RBM23: variants seen among roughly 807,000 people sequenced by gnomAD.
RBM23 encodes RNA binding motif protein 23.
Under a neutral mutation model 56.2 loss-of-function variants are expected in RBM23, and 53 were observed. That is an observed-to-expected ratio of 0.94 (90% CI 0.76 to 1.19). The LOEUF (loss-of-function observed/expected upper bound fraction) is 1.19, where lower values mean the gene tolerates loss of function less well. Among genes scored for constraint, RBM23 ranks in the 50% most tolerant of loss-of-function variants. RBM23 has a pLI of 0.00. For missense variants in RBM23, 642 were observed against 590.3 expected, an observed-to-expected ratio of 1.09 and a Z score of -0.91; for synonymous variants, 197 against 198.5, an observed-to-expected ratio of 0.99 and a Z score of 0.06.
At chr14:22,915,148 G>A (rs2043262973) in intron 1 of RBM23, among the ~76,000 whole-genome samples, 1 of 152,196 alleles carries the variant, frequency 6.6e-6, no homozygotes, top group African/African-American at 2.4e-5. Context: ...ACCTACAACT[G>A]CTAGACACTG....
At chr14:22,911,297 C>G (rs1025627289) in intron 2 of RBM23, 31 bp downstream of exon 2, 2 of 1,590,966 alleles carry the variant, frequency 1.3e-6, no homozygotes, top group African/African-American at 2.7e-5. Flanking sequence ...TCTCATTAAC[C>G]CAATTCCAGG....
At position 22,905,408 on chromosome 14, in the gene RBM23, T is replaced by C. The variant is rs753683639; in HGVS notation, c.501A>G (p.Thr167=). Residue 167 remains threonine, a synonymous_variant, in exon 7 of 14, where the codon ACA becomes ACG. Transcript: ENST00000359890. The stretch of plus-strand genomic sequence containing the variant: ...GGGCAGCTAACTGCATACAGAAAAC[T>C]GTGCGGGCATCACGCTCCTCAGGAC... ...NLSPEERDAR[T]VFCMQLAARI... 23 of 1,614,168 alleles carry C rather than the reference T, an allele frequency of 1.4e-5. No individual in the cohort carries two copies. The highest frequency in any genetic ancestry group is 1.9e-5 in the Non-Finnish European group (22 of 1,180,030).
chr14:22,903,939 C>CA (rs1042243364), intron 10 of RBM23: 9 of 1,276,716 alleles, frequency 7.0e-6, no homozygotes, highest in Non-Finnish European at 9.0e-6. Flanking sequence ...TTTAAAAGCC[C>CA]ATACCTAACC....
rs370191757 is a variant in RBM23 at position 22,905,469 on chromosome 14, T to G, written c.456-16A>C. The G allele has an allele frequency of 7.4e-6, 12 of 1,612,924 alleles. No individual in the cohort carries two copies. Among genetic ancestry groups the G allele is most frequent in the Non-Finnish European group, 9.3e-6 (11 of 1,178,922 alleles). The stretch of plus-strand genomic sequence containing the variant: ...AACTGGCTCCCTGAAGAGTGAAATG[T>G]GTTGAGACCAGCCCTCCCAATACCT... On this transcript the variant is annotated splice_polypyrimidine_tract_variant and intron_variant, in intron 6 of 13. Coordinates refer to ENST00000359890, the MANE Select transcript of RBM23 (RefSeq NM_001077351.2).
chr14:22,905,416 C>G lies in RBM23; in HGVS notation c.493G>C (p.Ala165Pro). ...VDNLSPEERDARTVFCMQLAA... is the reference protein window; with the variant it reads ...VDNLSPEERDPRTVFCMQLAA... Reference sequence around the variant, plus strand: ...AACTGCATACAGAAAACTGTGCGGGCATCACGCTCCTCAGGACTCAGATTA... The same window carrying G: ...AACTGCATACAGAAAACTGTGCGGGGATCACGCTCCTCAGGACTCAGATTA... The change falls in exon 7 of 14, where the codon GCC becomes CCC. Residue 165 changes from alanine (A) to proline (P), a missense_variant. By Grantham distance (27) the Ala-to-Pro change is conservative (BLOSUM62 -1). Coordinates refer to ENST00000359890, the MANE Select transcript of RBM23 (RefSeq NM_001077351.2). The G allele has an allele frequency of 6.2e-7, 1 of 1,614,176 alleles. No individual in the cohort carries two copies. Among genetic ancestry groups the G allele is most frequent in the Non-Finnish European group, 8.5e-7 (1 of 1,180,034 alleles).
chr14:22,894,959 G>A lies in RBM23; in HGVS notation c.*6771C>T, dbSNP rs1031759125. On this transcript the variant is annotated 3_prime_UTR_variant, in exon 14 of 14. Coordinates refer to ENST00000359890, the MANE Select transcript of RBM23 (RefSeq NM_001077351.2). ...GGAGGCTGAGGCAGGAGAATGGCAT[G>A]AACCTGGGAGGCAGAGCTTGCAGTG... 1 of 151,898 alleles carries A rather than the reference G, an allele frequency of 6.6e-6. No homozygotes were observed. The highest frequency in any genetic ancestry group is 2.4e-5 in the African/African-American group (1 of 41,324). The allele number at this position is 151,898 out of a possible 1,614,324, so 9.4% of individuals were successfully genotyped here.
rs370168477 is a variant in RBM23 at position 22,905,264 on chromosome 14, G to A, written c.574-18C>T. Reference sequence around the variant, plus strand: ...TCGCGAACCTATCCAGGACGCAAAAGAAATCCTGAGTTAGGCATAAAGGGA... The same window carrying A: ...TCGCGAACCTATCCAGGACGCAAAAAAAATCCTGAGTTAGGCATAAAGGGA... On this transcript the variant is annotated intron_variant, in intron 7 of 13. Coordinates refer to ENST00000359890, the MANE Select transcript of RBM23 (RefSeq NM_001077351.2). The A allele has an allele frequency of 5.6e-6, 9 of 1,613,838 alleles. No homozygotes were observed. Among genetic ancestry groups the A allele is most frequent in the African/African-American group, 4.0e-5 (3 of 74,908 alleles).
intron 1 of RBM23, among the ~76,000 whole-genome samples, chr14:22,915,814 C>CT (rs1384514436): frequency 1.3e-5 from 2 of 152,138 alleles, no homozygotes; most frequent in East Asian, 3.8e-4. Context: ...TCCAGTAACA[C>CT]TTTATATTTA....
In RBM23 at chr14:22,902,016, C is replaced by A. The variant is rs879901593; in HGVS notation, c.1210G>T (p.Val404Phe). ...GCTGGATTCAGGGCCCCCAAGGGAA[C>A]TGCTCCATTCAGTTGCAAGGCAGCA... ...QAAALQLNGA[V>F]PLGALNPAAL... Residue 404 changes from valine to phenylalanine, a missense_variant, in exon 12 of 14, where the codon GTT becomes TTT. Val to Phe is a conservative substitution (Grantham distance 50). Coordinates refer to ENST00000359890, the MANE Select transcript of RBM23 (RefSeq NM_001077351.2). The A allele has an allele frequency of 5.6e-6, 9 of 1,612,498 alleles. No homozygotes were observed. Among genetic ancestry groups the A allele is most frequent in the Non-Finnish European group, 7.6e-6 (9 of 1,179,122 alleles).
rs2040234284 is a variant in RBM23, at chr14:22,895,498, G to C, written c.*6232C>G. The C allele has an allele frequency of 6.6e-6, 1 of 152,074 alleles. No homozygotes were observed. The highest frequency in any genetic ancestry group is 1.5e-5 in the Non-Finnish European group (1 of 68,106). The allele number at this position is 152,074 out of a possible 1,614,324, so 9.4% of individuals were successfully genotyped here. On this transcript the variant is annotated 3_prime_UTR_variant, in exon 14 of 14. Coordinates refer to ENST00000359890, the MANE Select transcript of RBM23 (RefSeq NM_001077351.2). ...CGCTAAGGAAAGGGTGGTAACAGAG[G>C]GTGCTCTCAGGCAGTTGTGGTGGCT...
chr14:22,906,505 T>A, intron 4 of RBM23, 137 bp from the exon 5 acceptor site: 1 of 991,400 alleles, frequency 1.0e-6, no homozygotes, highest in Non-Finnish European at 1.5e-6. Flanking sequence ...GCCACTGTAA[T>A]GTCGTAATGT....
intron 2 of RBM23, among the ~76,000 whole-genome samples, chr14:22,910,945 A>C (rs1264712744): frequency 1.3e-5 from 2 of 152,128 alleles, no homozygotes; most frequent in Non-Finnish European, 2.9e-5. Context: ...CAGGAGGCGG[A>C]GGTTGCAGTG....
intron 6 of RBM23, 65 bp downstream of exon 6, chr14:22,905,541 T>G: frequency 6.3e-7 from 1 of 1,599,494 alleles, no homozygotes; most frequent in East Asian, 2.2e-5. Flanking sequence ...ATTCCTGTAA[T>G]TTGGCTCAAA....
At chr14:22,902,834 G>T (rs995170260) in intron 10 of RBM23, 2 of 935,362 alleles carry the variant, frequency 2.1e-6, no homozygotes, top group East Asian at 2.4e-4. Flanking sequence ...GAGTGCAGTG[G>T]CACCATGTCA....
At position 22,901,146 on chromosome 14, in the gene RBM23, T is replaced by A. The variant is rs1464560893; in HGVS notation, c.*584A>T. 6.4e-6 allele frequency: 1 copy of A among 156,836 alleles called. No homozygotes were observed. The highest frequency in any genetic ancestry group is 2.4e-5 in the African/African-American group (1 of 41,500). The allele number at this position is 156,836 out of a possible 1,614,324, so 9.7% of individuals were successfully genotyped here. A position where few individuals can be genotyped will look rare whatever the true frequency, so the allele number is the denominator to read the frequency against. On this transcript the variant is annotated 3_prime_UTR_variant, in exon 14 of 14. Transcript: ENST00000359890. ...CTCCTGGCAGGATAGATCACTTCCA[T>A]GCCTCCTAGCAAGATGCTGAGGCTA...
intron 1 of RBM23, among the ~76,000 whole-genome samples, chr14:22,915,874 T>C (rs931257531): frequency 3.9e-5 from 6 of 152,230 alleles, no homozygotes; most frequent in African/African-American, 1.4e-4. Context: ...ATATGATTCA[T>C]ACCCAAATTT....
rs866719817 is a variant in RBM23, at chr14:22,909,262, A to C, written c.179+221T>G. On this transcript the variant is annotated intron_variant, in intron 3 of 13. Coordinates refer to ENST00000359890, the MANE Select transcript of RBM23 (RefSeq NM_001077351.2). ...CCAGCCCCTCTTGGTATTTTATTCA[A>C]ATGAAGTATATTGATGCTAGGACTA... 2.0e-5 allele frequency among the ~76,000 whole-genome samples: 3 copies of C among 152,052 alleles called. No homozygotes were observed. The South Asian group carries it at 6.2e-4, about 32-fold the overall frequency.
At chr14:22,904,051 A>T (rs1255883946) in intron 10 of RBM23, 4 of 1,504,596 alleles carry the variant, frequency 2.7e-6, no homozygotes, top group Non-Finnish European at 3.5e-6. Flanking sequence ...ACACCCCCAT[A>T]CCAGGGCCAC....
chr14:22,902,120 G>A, intron 11 of RBM23, 21 bp from the exon 12 acceptor site: 4 of 1,604,668 alleles, frequency 2.5e-6, no homozygotes, highest in Non-Finnish European at 3.4e-6. Context: ...AAGAAAAGGT[G>A]GGATTAAGCC....
Sources: gnomAD v4.1 joint callset for allele counts (sites outside exome capture counted in the v4.1 genomes callset) on GRCh38, gnomAD v4.1.1 for gene constraint, MANE v1.5 for transcripts, NCBI Gene and HGNC (gene_info 2026-07-23, HGNC 2026-07-21) for gene names.